Variants in KCNIP1 observed in about 807,000 individuals in gnomAD.
The protein encoded by KCNIP1 is A-type potassium channel modulatory protein KCNIP1.
Under a neutral mutation model 33.0 loss-of-function variants are expected in KCNIP1, and 18 were observed. The observed-to-expected ratio is 0.55, with a 90% CI of 0.38 to 0.81. KCNIP1 has a LOEUF of 0.81. Ranked by LOEUF, KCNIP1 falls within the 30% of genes least tolerant of loss-of-function variation. KCNIP1 has a pLI of 0.00. For synonymous variants in KCNIP1, 93 were observed against 98.3 expected (o/e 0.95, Z 0.32); for missense variants, 238 against 271.6 (o/e 0.88, Z 0.87).
At chr5:170,636,202 C>T (rs1760273199) in intron 1 of KCNIP1, among the ~76,000 whole-genome samples, 1 of 152,170 alleles carries the variant, frequency 6.6e-6, no homozygotes, top group African/African-American at 2.4e-5. Flanking sequence ...GAAAGCCTAG[C>T]CAGAGACAGG....
chr5:170,405,971 C>A (rs1416621184), intron 1 of KCNIP1, among the ~76,000 whole-genome samples: 1 of 152,140 alleles, frequency 6.6e-6, no homozygotes, highest in Non-Finnish European at 1.5e-5. Flanking sequence ...GGCTAGAATA[C>A]CTCTCCCCTG....
At chr5:170,677,665 C>A (rs1365084975) in intron 1 of KCNIP1, among the ~76,000 whole-genome samples, 1 of 152,148 alleles carries the variant, frequency 6.6e-6, no homozygotes, top group Non-Finnish European at 1.5e-5. Context: ...GGAATCCAGT[C>A]TTTTATGATG....
intron 1 of KCNIP1, among the ~76,000 whole-genome samples, chr5:170,488,791 AGT>A (rs1274563575): frequency 6.6e-6 from 1 of 152,160 alleles, no homozygotes; most frequent in African/African-American, 2.4e-5. Context: ...GGGTGTCTTG[AGT>A]GTGTGTGCTG....
At chr5:170,528,182 G>A (rs897903858) in intron 1 of KCNIP1, among the ~76,000 whole-genome samples, 1 of 152,144 alleles carries the variant, frequency 6.6e-6, no homozygotes, top group African/African-American at 2.4e-5. Context: ...TCTGGAACTG[G>A]AGGCTCTGGC....
intron 1 of KCNIP1, among the ~76,000 whole-genome samples, chr5:170,482,718 A>G (rs1229355128): frequency 6.6e-6 from 1 of 152,216 alleles, no homozygotes; most frequent in Non-Finnish European, 1.5e-5. Flanking sequence ...TTCATCTGGT[A>G]TGCTGTGGGA....
chr5:170,696,225 G>T (rs2113826104), intron 1 of KCNIP1, among the ~76,000 whole-genome samples: 1 of 152,236 alleles, frequency 6.6e-6, no homozygotes, highest in Non-Finnish European at 1.5e-5. Flanking sequence ...CTGCACTAAA[G>T]ATGATTTCTA....
exon 1 of KCNIP1, chr5:170,353,881 G>T: frequency 6.2e-7 from 1 of 1,614,006 alleles, no homozygotes; most frequent in Non-Finnish European, 8.5e-7. Flanking sequence ...GCCACCATGA[G>T]CGGCTGCTCC....
rs142703922 is a variant in KCNIP1, at chr5:170,368,641, A to G, written c.88+14677A>G. ...CCATATTTAATCAGAAACCACAAACATATCATTCACTAAATACACATCTTC... is the reference window on the plus strand; with the variant it reads ...CCATATTTAATCAGAAACCACAAACGTATCATTCACTAAATACACATCTTC... On this transcript the variant is annotated intron_variant, in intron 1 of 7. Coordinates refer to the KCNIP1 transcript ENST00000377360. 3.7e-3 allele frequency among the ~76,000 whole-genome samples: 561 copies of G among 152,356 alleles called. 3 individuals are homozygous for G. The highest frequency in any genetic ancestry group is 0.013 in the African/African-American group (527 of 41,576).
chr5:170,470,229 T>TC (rs1756692392), intron 1 of KCNIP1, among the ~76,000 whole-genome samples: 1 of 152,102 alleles, frequency 6.6e-6, no homozygotes, highest in African/African-American at 2.4e-5. Flanking sequence ...TCTTCACATC[T>TC]CAGCTCAGGT....
chr5:170,414,179 T>C (rs1248020352), intron 1 of KCNIP1, among the ~76,000 whole-genome samples: 2 of 152,248 alleles, frequency 1.3e-5, no homozygotes, highest in South Asian at 2.1e-4. Context: ...CTATGGTCTG[T>C]ATGTCATATC....
chr5:170,589,631 C>A (rs1011371476), intron 1 of KCNIP1, among the ~76,000 whole-genome samples: 1 of 152,060 alleles, frequency 6.6e-6, no homozygotes, highest in Non-Finnish European at 1.5e-5. Context: ...TCAGGGAAGC[C>A]CCCTTGGAGG....
intron 1 of KCNIP1, among the ~76,000 whole-genome samples, chr5:170,356,246 G>T (rs769073489): frequency 2.0e-5 from 3 of 152,194 alleles, no homozygotes; most frequent in Non-Finnish European, 4.4e-5. Flanking sequence ...CTGAGTTCTA[G>T]ATTTGCAGTA....
chr5:170,430,700 G>GAAGGACA (rs1416843558), intron 1 of KCNIP1, among the ~76,000 whole-genome samples: 1 of 152,204 alleles, frequency 6.6e-6, no homozygotes, highest in Non-Finnish European at 1.5e-5. Context: ...AGGAACCAGT[G>GAAGGACA]AAGGACAGAG....
At chr5:170,430,128 T>G (rs1035295057) in intron 1 of KCNIP1, among the ~76,000 whole-genome samples, 1 of 152,196 alleles carries the variant, frequency 6.6e-6, no homozygotes, top group African/African-American at 2.4e-5. Flanking sequence ...CCTGCTCACC[T>G]TGGAAAATCA....
intron 1 of KCNIP1, among the ~76,000 whole-genome samples, chr5:170,367,105 G>A (rs916075421): frequency 6.6e-6 from 1 of 152,120 alleles, no homozygotes; most frequent in African/African-American, 2.4e-5. Context: ...GATCCCTTGA[G>A]GTCAGGAGCT....
intron 1 of KCNIP1, among the ~76,000 whole-genome samples, chr5:170,409,510 C>T (rs1755124226): frequency 1.3e-5 from 2 of 152,328 alleles, no homozygotes; most frequent in South Asian, 4.2e-4. Context: ...AATAAGTTCA[C>T]AGAGGCAGGG....
chr5:170,603,572 C>T (rs751215944), intron 1 of KCNIP1, among the ~76,000 whole-genome samples: 11 of 152,138 alleles, frequency 7.2e-5, no homozygotes, highest in Non-Finnish European at 1.6e-4. Context: ...AGGCTGTGCA[C>T]AGGGGTCTGA....
rs144600520 is a variant in KCNIP1 at position 170,577,534 on chromosome 5, A to G, written c.61+72901A>G. ...CTTCATTCTAACTGAATCTTTTAATATGGACCGTCTCACTTGTTAATTCTG... is the reference window on the plus strand; with the variant it reads ...CTTCATTCTAACTGAATCTTTTAATGTGGACCGTCTCACTTGTTAATTCTG... On this transcript the variant is annotated intron_variant, in intron 1 of 7. Coordinates refer to ENST00000328939, the MANE Select transcript of KCNIP1 (RefSeq NM_014592.4). Among the ~76,000 whole-genome samples the G allele has an allele frequency of 8.5e-5, 13 of 152,300 alleles. No homozygotes were observed. The East Asian group carries it at 2.5e-3, about 29-fold the overall frequency.
At chr5:170,709,037 G>C (rs329471) in intron 1 of KCNIP1, among the ~76,000 whole-genome samples, 96,824 of 152,158 alleles carry the variant, frequency 0.64, 31,884 homozygotes, top group East Asian at 0.95. Context: ...ATTCTTTAAA[G>C]TTTTTTGAGA....
Sources: allele counts gnomAD v4.1 joint callset (sites outside exome capture counted in the v4.1 genomes callset), GRCh38; gene constraint gnomAD v4.1.1; transcripts MANE v1.5; gene names NCBI Gene and HGNC (gene_info 2026-07-23, HGNC 2026-07-21).